The following NAA60 variants were observed in gnomAD, a reference collection of about 807,000 sequenced individuals.
The protein encoded by NAA60 is N-alpha-acetyltransferase 60.
NAA60 carries 8 observed loss-of-function variants against 26.1 expected under a neutral mutation model. The observed-to-expected ratio is 0.31, with a 90% confidence interval of 0.18 to 0.55. The LOEUF is 0.55. NAA60 is among the 20% of genes least tolerant of loss of function. NAA60 has a pLI of 0.93. For missense variants in NAA60, 290 were observed against 311.3 expected, an observed-to-expected ratio of 0.93 and a Z score of 0.51; for synonymous variants, 131 against 122.5, an observed-to-expected ratio of 1.07 and a Z score of -0.46.
At position 3,479,907 on chromosome 16, in the gene NAA60, C is replaced by T. The variant is rs547116078; in HGVS notation, c.240+307C>T. ...CAGTTACAACGTGCTATGAAAATAC[C>T]CCTGATTTGTGTTGGCGGCAGTGTC... On this transcript the variant is annotated intron_variant, in intron 4 of 7. Coordinates refer to ENST00000407558, the MANE Select transcript of NAA60 (RefSeq NM_001083601.3). 7.9e-5 allele frequency among the ~76,000 whole-genome samples: 12 copies of T among 152,280 alleles called. No individual in the cohort carries two copies. The Middle Eastern group carries it at 0.014, about 173-fold the overall frequency.
intron 1 of NAA60, among the ~76,000 whole-genome samples, chr16:3,445,341 C>G (rs1374363625): frequency 6.7e-6 from 1 of 150,034 alleles, no homozygotes; most frequent in African/African-American, 2.5e-5. Context: ...TGGCACAATC[C>G]TGACTCACTG....
chr16:3,482,659 C>T, intron 5 of NAA60, 61 bp downstream of exon 5: 1 of 1,221,860 alleles, frequency 8.2e-7, no homozygotes, highest in Non-Finnish European at 1.2e-6. Context: ...ACCCCACCCC[C>T]ATCCCATCTG....
intron 2 of NAA60, among the ~76,000 whole-genome samples, chr16:3,462,212 A>G (rs527905061): frequency 6.6e-6 from 1 of 152,182 alleles, no homozygotes; most frequent in African/African-American, 2.4e-5. Context: ...TTGGCCAGCA[A>G]AGTATTGACA....
At chr16:3,457,903 GCCTGCCCGCTCCCAA>G (rs17525862) in intron 2 of NAA60, 317,632 of 901,350 alleles carry the variant, frequency 0.35, 56,206 homozygotes, top group African/African-American at 0.57. Context: ...TTCGCACGGA[GCCTGCCCGCTCCCAA>G]CCTGCCCGCT....
chr16:3,483,149 C>G (rs569231111), intron 5 of NAA60, among the ~76,000 whole-genome samples: 63 of 152,360 alleles, frequency 4.1e-4, no homozygotes, highest in African/African-American at 1.4e-3. Flanking sequence ...CGCTACCAGG[C>G]CACCTCTGCA....
intron 2 of NAA60, among the ~76,000 whole-genome samples, chr16:3,457,401 A>G (rs1027876510): frequency 2.0e-5 from 3 of 152,190 alleles, no homozygotes; most frequent in Non-Finnish European, 4.4e-5. Context: ...GGCTGCAGTG[A>G]GCCGAGATTG....
chr16:3,450,927 A>T (rs2034759420), intron 2 of NAA60, among the ~76,000 whole-genome samples: 1 of 152,184 alleles, frequency 6.6e-6, no homozygotes, highest in African/African-American at 2.4e-5. Flanking sequence ...AGGCCATTGT[A>T]AATTAGAATG....
intron 2 of NAA60, chr16:3,458,053 C>A: frequency 2.0e-6 from 2 of 985,250 alleles, no homozygotes; most frequent in Non-Finnish European, 2.4e-6. Context: ...CCGCCTCCGT[C>A]CCGGCTGCGG....
chr16:3,484,667 G>T, intron 6 of NAA60, 32 bp from the exon 7 acceptor site: 4 of 1,567,212 alleles, frequency 2.6e-6, no homozygotes, highest in Admixed American at 1.9e-5. Flanking sequence ...CGTGGTCAGG[G>T]CAAGTCGGAA....
At chr16:3,466,421 G>A (rs114859547) in intron 2 of NAA60, among the ~76,000 whole-genome samples, 2,094 of 152,278 alleles carry the variant, frequency 0.014, 48 homozygotes, top group African/African-American at 0.045. Flanking sequence ...CTCTCACGTG[G>A]GCAGCTGCTC....
Position 3,476,347 on chromosome 16 carries a change from G to C in NAA60, c.110+10G>C, listed in dbSNP as rs376460200. On this transcript the variant is annotated intron_variant, in intron 3 of 7. Coordinates refer to ENST00000407558, the MANE Select transcript of NAA60 (RefSeq NM_001083601.3). ...ACTGGTTCCCCATCGAGTAAGTGGA[G>C]CGGATTGCAGGGTTGGGGAGAGCCC... The C allele has an allele frequency of 1.2e-6, 2 of 1,610,628 alleles. No homozygotes were observed. Among genetic ancestry groups the C allele is most frequent in the South Asian group, 1.1e-5 (1 of 90,780 alleles).
intron 2 of NAA60, chr16:3,457,925 C>T: frequency 1.2e-6 from 1 of 832,154 alleles, no homozygotes; most frequent in Non-Finnish European, 1.4e-6. Flanking sequence ...CCAACCTGCC[C>T]GCTCCCAACA....
chr16:3,478,218 A>G (rs2036606084), intron 3 of NAA60, among the ~76,000 whole-genome samples: 1 of 152,224 alleles, frequency 6.6e-6, no homozygotes, highest in Admixed American at 6.5e-5. Context: ...TCTGGGTGAC[A>G]GAGTGAGACT....
chr16:3,480,072 G>T (rs1037685973), intron 4 of NAA60, among the ~76,000 whole-genome samples: 9 of 152,058 alleles, frequency 5.9e-5, no homozygotes, highest in Non-Finnish European at 1.3e-4. Context: ...GGCATCCGTG[G>T]ACCCACCTCA....
intron 2 of NAA60, 95 bp downstream of exon 2, chr16:3,448,635 T>A: frequency 9.8e-7 from 1 of 1,020,102 alleles, no homozygotes; most frequent in Non-Finnish European, 1.4e-6. Context: ...TGTCAAGTAT[T>A]AAATATTCTC....
At chr16:3,448,446 G>C (rs908372672) in intron 1 of NAA60, 25 bp from the exon 2 acceptor site, 1 of 1,531,958 alleles carries the variant, frequency 6.5e-7, no homozygotes, top group South Asian at 1.2e-5. Context: ...GTGAAGTGAT[G>C]GCCTTGTGTC....
intron 1 of NAA60, among the ~76,000 whole-genome samples, chr16:3,446,106 A>G (rs533777338): frequency 3.9e-4 from 60 of 152,366 alleles, no homozygotes; most frequent in African/African-American, 1.3e-3. Flanking sequence ...TTAACATGGT[A>G]CCAGTAATAA....
At chr16:3,446,127 C>T (rs1164325822) in intron 1 of NAA60, among the ~76,000 whole-genome samples, 1 of 152,170 alleles carries the variant, frequency 6.6e-6, no homozygotes, top group African/African-American at 2.4e-5. Context: ...CAACTACAAC[C>T]TGTTTGTATT....
At chr16:3,485,143 C>T (rs1191461915) in intron 7 of NAA60, 82 bp downstream of exon 7, 13 of 853,638 alleles carry the variant, frequency 1.5e-5, no homozygotes, top group African/African-American at 6.7e-5. Flanking sequence ...GCACAGAGAA[C>T]GGCAGAGCCG....
Sources: allele counts gnomAD v4.1 joint callset (sites outside exome capture counted in the v4.1 genomes callset), GRCh38; gene constraint gnomAD v4.1.1; transcripts MANE v1.5; gene names NCBI Gene and HGNC (gene_info 2026-07-23, HGNC 2026-07-21).